The following HORMAD2 variants were observed in gnomAD, a reference collection of about 807,000 sequenced individuals.
The protein encoded by HORMAD2 is HORMA domain containing 2.
Under a neutral mutation model 38.8 loss-of-function variants are expected in HORMAD2, and 45 were observed. The ratio of observed to expected loss-of-function variants is 1.16; its 90% confidence interval spans 0.91 to 1.49. The LOEUF is 1.49. Ranked by LOEUF, HORMAD2 falls within the 40% of genes most tolerant of loss-of-function variation. HORMAD2 has a pLI of 0.00. For synonymous variants in HORMAD2, 126 were observed against 122.8 expected, an observed-to-expected ratio of 1.03 and a Z score of -0.17; for missense variants, 338 against 367.0, an observed-to-expected ratio of 0.92 and a Z score of 0.65.
chr22:30,160,482 A>G (rs1257059337), intron 10 of HORMAD2, among the ~76,000 whole-genome samples: 1 of 152,060 alleles, frequency 6.6e-6, no homozygotes, highest in Non-Finnish European at 1.5e-5. Context: ...AGAGGGTGAT[A>G]TCATGAATTT....
the HORMAD2 span, among the ~76,000 whole-genome samples, chr22:30,184,262 C>T: frequency 6.6e-6 from 1 of 152,144 alleles, no homozygotes; most frequent in Non-Finnish European, 1.5e-5. Context: ...AACTTCCCAG[C>T]ATAATGAAAT....
intron 10 of HORMAD2, among the ~76,000 whole-genome samples, chr22:30,138,796 C>A (rs1923847949): frequency 6.6e-6 from 1 of 152,040 alleles, no homozygotes. Flanking sequence ...TTATTCATTG[C>A]AGGTATATAG....
At chr22:30,131,357 T>C (rs1031466033) in intron 10 of HORMAD2, among the ~76,000 whole-genome samples, 6 of 152,208 alleles carry the variant, frequency 3.9e-5, no homozygotes, top group African/African-American at 1.4e-4. Context: ...AACCATATTT[T>C]TAGGCAGGGG....
Position 30,174,870 on chromosome 22 carries a change from A to T in HORMAD2, c.820-1193A>T, listed in dbSNP as rs553341796. ...CTTTCCTTTAGAGCAGCCCATTTCA[A>T]ATTTTTACATGTAAGTAAACGAGTT... On this transcript the variant is annotated intron_variant, in intron 10 of 10. Transcript: ENST00000336726. Among the ~76,000 whole-genome samples the T allele has an allele frequency of 1.1e-4, 17 of 152,164 alleles. No homozygotes were observed. The South Asian group carries it at 3.5e-3, about 32-fold the overall frequency.
At position 30,176,393 on chromosome 22, in the gene HORMAD2, A is replaced by C. The variant is rs1372201024; in HGVS notation, c.*226A>C. 2 of 435,090 alleles carry C rather than the reference A, an allele frequency of 4.6e-6. No homozygotes were observed. The highest frequency in any genetic ancestry group is 2.0e-5 in the African/African-American group (1 of 49,392). The allele number at this position is 435,090 out of a possible 1,614,324, so 27.0% of individuals were successfully genotyped here. ...AATAGGGCTGCCTCTGGATAGCATT[A>C]CTTCAAAGCTGGGTTAGAGATGAGG... On this transcript the variant is annotated 3_prime_UTR_variant, in exon 11 of 11. Transcript: ENST00000336726.
At chr22:30,135,723 G>T (rs1923606060) in intron 10 of HORMAD2, among the ~76,000 whole-genome samples, 1 of 152,136 alleles carries the variant, frequency 6.6e-6, no homozygotes, top group African/African-American at 2.4e-5. Flanking sequence ...CTCCAGAAGG[G>T]TTACATGTTA....
intron 1 of HORMAD2, among the ~76,000 whole-genome samples, chr22:30,082,556 C>G (rs887492983): frequency 3.3e-5 from 5 of 151,724 alleles, no homozygotes; most frequent in Non-Finnish European, 7.4e-5. Context: ...TTTGAGAGGC[C>G]AAGAGTTCGA....
At chr22:30,180,284 A>G (rs1926644251), downstream of HORMAD2, among the ~76,000 whole-genome samples, 1 of 152,114 alleles carries the variant, frequency 6.6e-6, no homozygotes, top group Middle Eastern at 3.2e-3. Context: ...GCTGCTTGAG[A>G]TAGCCAGAAA....
At chr22:30,104,309 A>C in intron 4 of HORMAD2, 92 bp from the exon 5 acceptor site, 1 of 986,556 alleles carries the variant, frequency 1.0e-6, no homozygotes, top group Non-Finnish European at 1.6e-6. Flanking sequence ...CTTAATGTAC[A>C]TCAAAGCAAA....
chr22:30,140,717 T>C (rs1924013508), intron 10 of HORMAD2, among the ~76,000 whole-genome samples: 1 of 152,226 alleles, frequency 6.6e-6, no homozygotes, highest in African/African-American at 2.4e-5. Context: ...TTGTTGATCT[T>C]TCAAAGAATC....
At chr22:30,131,028 A>C (rs1241703442) in intron 10 of HORMAD2, among the ~76,000 whole-genome samples, 2 of 152,152 alleles carry the variant, frequency 1.3e-5, no homozygotes, top group African/African-American at 4.8e-5. Context: ...GGCAGATAGC[A>C]GTAGACATAC....
At chr22:30,178,236 A>G (rs1257780679), downstream of HORMAD2, among the ~76,000 whole-genome samples, 1 of 152,268 alleles carries the variant, frequency 6.6e-6, no homozygotes, top group East Asian at 1.9e-4. Context: ...CCTAAGGCTG[A>G]CAGATCCTTT....
chr22:30,142,905 G>T (rs1924174474), intron 10 of HORMAD2, among the ~76,000 whole-genome samples: 1 of 152,008 alleles, frequency 6.6e-6, no homozygotes. Flanking sequence ...TCAGGTTTAT[G>T]CTAGCTTAAT....
At chr22:30,095,304 A>C (rs1207129504) in intron 2 of HORMAD2, among the ~76,000 whole-genome samples, 2 of 152,240 alleles carry the variant, frequency 1.3e-5, no homozygotes, top group African/African-American at 4.8e-5. Context: ...AATACAGATT[A>C]TTGGTAAAAT....
intron 5 of HORMAD2, among the ~76,000 whole-genome samples, chr22:30,106,390 A>G (rs558328945): frequency 2.0e-5 from 3 of 152,154 alleles, no homozygotes; most frequent in Non-Finnish European, 4.4e-5. Context: ...TATAATGCTC[A>G]TTAGAAAGTG....
chr22:30,098,426 A>C (rs867225106), intron 2 of HORMAD2, among the ~76,000 whole-genome samples: 22 of 152,328 alleles, frequency 1.4e-4, no homozygotes, highest in South Asian at 4.1e-4. Flanking sequence ...TAACAGTGTC[A>C]GATAATATAA....
chr22:30,114,073 G>A (rs1921861549), intron 7 of HORMAD2, among the ~76,000 whole-genome samples: 1 of 152,022 alleles, frequency 6.6e-6, no homozygotes, highest in Non-Finnish European at 1.5e-5. Flanking sequence ...TGTTTTTTGG[G>A]GGTAGTGAAA....
chr22:30,139,286 A>ATATC (rs1491312488), intron 10 of HORMAD2, among the ~76,000 whole-genome samples: 7 of 130,538 alleles, frequency 5.4e-5, no homozygotes, highest in Admixed American at 1.6e-4. Flanking sequence ...ATATATATAT[A>ATATC]TCCTCTGTCT....
chr22:30,094,071 T>A (rs1331418332), intron 2 of HORMAD2, 68 bp downstream of exon 2: 3 of 1,151,740 alleles, frequency 2.6e-6, no homozygotes, highest in Non-Finnish European at 3.8e-6. Context: ...ATGATTTTAA[T>A]CTTTTGTGTG....
Sources: gnomAD v4.1 joint callset for allele counts (sites outside exome capture counted in the v4.1 genomes callset) on GRCh38, gnomAD v4.1.1 for gene constraint, MANE v1.5 for transcripts, NCBI Gene and HGNC (gene_info 2026-07-23, HGNC 2026-07-21) for gene names.